PCDHGB5: variants seen among roughly 807,000 people sequenced by gnomAD.
PCDHGB5 encodes the protein protocadherin gamma-B5.
PCDHGB5 carries 48 observed loss-of-function variants against 62.9 expected under a neutral mutation model. The observed-to-expected ratio is 0.76, with a 90% CI of 0.61 to 0.97. The LOEUF (loss-of-function observed/expected upper bound fraction) is 0.97, where lower values mean the gene tolerates loss of function less well. Among genes scored for constraint, PCDHGB5 ranks in the 50% least tolerant of loss-of-function variants. PCDHGB5 has a pLI of 0.00. For missense variants in PCDHGB5, 1,118 were observed against 1,198.6 expected, an observed-to-expected ratio of 0.93 and a Z score of 0.99; for synonymous variants, 474 against 511.2, an observed-to-expected ratio of 0.93 and a Z score of 0.98.
chr5:141,410,455 T>G (rs2095396076), intron 1 of PCDHGB5: 3 of 1,613,914 alleles, frequency 1.9e-6, no homozygotes, highest in African/African-American at 2.7e-5. Flanking sequence ...TGCCTTATTC[T>G]TATAATCTGT....
rs1183407162 is a variant in PCDHGB5 at position 141,422,793 on chromosome 5, C to G, written c.2397+22269C>G. 3 of 1,614,110 alleles carry G rather than the reference C, an allele frequency of 1.9e-6. No individual in the cohort carries two copies. The South Asian group carries it at 3.3e-5, about 18-fold the overall frequency. On this transcript the variant is annotated intron_variant, in intron 1 of 3. Transcript: ENST00000617380. Reference sequence around the variant, plus strand: ...TTCTCTATGCCCTACAATCCTTCGACTATGAGCAGTTTCGAGACTTAGAAC... The same window carrying G: ...TTCTCTATGCCCTACAATCCTTCGAGTATGAGCAGTTTCGAGACTTAGAAC...
chr5:141,400,803 A>G, intron 1 of PCDHGB5: 1 of 556,958 alleles, frequency 1.8e-6, no homozygotes, highest in South Asian at 2.5e-5. Context: ...CTCAAAGCTA[A>G]TGAATTTTAC....
intron 1 of PCDHGB5, 134 bp from the exon 2 acceptor site, chr5:141,494,673 C>G: frequency 4.5e-6 from 7 of 1,542,992 alleles, no homozygotes; most frequent in Non-Finnish European, 6.1e-6. Flanking sequence ...GATGAGTCCA[C>G]CCCTGCCCCC....
intron 1 of PCDHGB5, among the ~76,000 whole-genome samples, chr5:141,461,001 A>G (rs1309762345): frequency 4.0e-5 from 6 of 150,320 alleles, no homozygotes; most frequent in South Asian, 4.2e-4. Context: ...ATATATGTGT[A>G]TATATATATA....
At chr5:141,405,145 G>A (rs772542898) in intron 1 of PCDHGB5, 4 of 1,613,952 alleles carry the variant, frequency 2.5e-6, no homozygotes, top group African/African-American at 2.7e-5. Context: ...CCAGTGATGG[G>A]TTGGCTGGTG....
chr5:141,473,238 G>A (rs1265577738), intron 1 of PCDHGB5, among the ~76,000 whole-genome samples: 4 of 152,200 alleles, frequency 2.6e-5, no homozygotes, highest in Admixed American at 6.5e-5. Context: ...ATCCACACAA[G>A]TGAATACATA....
chr5:141,504,583 A>G (rs1230825472), intron 2 of PCDHGB5, among the ~76,000 whole-genome samples: 1 of 146,622 alleles, frequency 6.8e-6, no homozygotes, highest in African/African-American at 2.5e-5. Flanking sequence ...CCATCTGCCC[A>G]GGATTCACAG....
rs73280911 is a variant in PCDHGB5, at chr5:141,446,356, A to C, written c.2397+45832A>C. Among the ~76,000 whole-genome samples the C allele has an allele frequency of 2.0e-5, 3 of 152,188 alleles. No individual in the cohort carries two copies. In the South Asian group the frequency reaches 6.2e-4, roughly 31 times the overall value. On this transcript the variant is annotated intron_variant, in intron 1 of 3. Transcript: ENST00000617380. ...ACTGGATGGACAAAGCTACCATTTGATGAGAATGGAAGACTAAAGAATGAT... is the reference window on the plus strand; with the variant it reads ...ACTGGATGGACAAAGCTACCATTTGCTGAGAATGGAAGACTAAAGAATGAT...
intron 1 of PCDHGB5, chr5:141,408,109 C>T (rs1011504923): frequency 3.5e-6 from 5 of 1,445,662 alleles, no homozygotes; most frequent in Non-Finnish European, 4.6e-6. Flanking sequence ...AGACCCGGGA[C>T]TCCTCCTGTC....
In PCDHGB5 at chr5:141,485,219, A is replaced by C. The variant is rs954128321; in HGVS notation, c.2398-9588A>C. 20 of 1,613,930 alleles carry C rather than the reference A, an allele frequency of 1.2e-5. No individual in the cohort carries two copies. The highest frequency in any genetic ancestry group is 1.6e-5 in the Non-Finnish European group (19 of 1,179,944). On this transcript the variant is annotated intron_variant, in intron 1 of 3. Coordinates refer to ENST00000617380, the MANE Select transcript of PCDHGB5 (RefSeq NM_018925.3). The surrounding 1 kb of genome is among the most constrained non-coding windows in gnomAD (Gnocchi z 5.7). The stretch of plus-strand genomic sequence containing the variant: ...CTGGACAGAAATCTGGCGGTGGGCT[A>C]CCCTTTTGTTCCTCTTTTACCACCT...
chr5:141,476,142 G>T lies in PCDHGB5; in HGVS notation c.2398-18665G>T. 6.2e-7 allele frequency: 1 copy of T among 1,610,446 alleles called. No individual in the cohort carries two copies. Among genetic ancestry groups the T allele is most frequent in the South Asian group, 1.1e-5 (1 of 90,868 alleles). On this transcript the variant is annotated intron_variant, in intron 1 of 3. Coordinates refer to ENST00000617380, the MANE Select transcript of PCDHGB5 (RefSeq NM_018925.3). The surrounding 1 kb of genome is among the most constrained non-coding windows in gnomAD (Gnocchi z 7.6). Reference sequence around the variant, plus strand: ...ATGGTCCCAGAGGCCTGGAGGAGCGGACTGGTAAGCACCGGGAGGGTAGTG... The same window carrying T: ...ATGGTCCCAGAGGCCTGGAGGAGCGTACTGGTAAGCACCGGGAGGGTAGTG...
rs1562063782 is a variant in PCDHGB5, at chr5:141,477,676, A to G, written c.2398-17131A>G. ...TAAATCGTGACAATGGCATAGTGTC[A>G]TCCTTAGTGCCCCTAGACTATGAGG... On this transcript the variant is annotated intron_variant, in intron 1 of 3. Coordinates refer to ENST00000617380, the MANE Select transcript of PCDHGB5 (RefSeq NM_018925.3). This position sits in a 1 kb window ranked among gnomAD's most constrained non-coding sequence, Gnocchi z 4.9. The G allele has an allele frequency of 1.2e-6, 2 of 1,614,194 alleles. No homozygotes were observed. The highest frequency in any genetic ancestry group is 1.7e-6 in the Non-Finnish European group (2 of 1,180,046).
chr5:141,409,823 A>G, intron 1 of PCDHGB5: 2 of 1,610,784 alleles, frequency 1.2e-6, no homozygotes, highest in Non-Finnish European at 1.7e-6. Flanking sequence ...CGGCTCGCCC[A>G]CGCTCAGCGC....
chr5:141,476,978 C>A lies in PCDHGB5; in HGVS notation c.2398-17829C>A, dbSNP rs1468851988. The A allele has an allele frequency of 2.5e-6, 4 of 1,614,138 alleles. No individual in the cohort carries two copies. Among genetic ancestry groups the A allele is most frequent in the Admixed American group, 3.3e-5 (2 of 60,012 alleles). On this transcript the variant is annotated intron_variant, in intron 1 of 3. Transcript: ENST00000617380. This position sits in a 1 kb window ranked among gnomAD's most constrained non-coding sequence, Gnocchi z 7.6. ...TATTTACTCCTTCGGCAGCCACAAC[C>A]GCGCCGGCGTGCGGCAACTATTCGC...
chr5:141,476,666 G>T lies in PCDHGB5; in HGVS notation c.2398-18141G>T. 9 of 1,614,246 alleles carry T rather than the reference G, an allele frequency of 5.6e-6. No homozygotes were observed. Among genetic ancestry groups the T allele is most frequent in the Non-Finnish European group, 7.6e-6 (9 of 1,180,044 alleles). ...CCGAAATGAATACTTTGCGCTTCGC[G>T]TGCAGACGCGGGAGGACAGCACCAA... On this transcript the variant is annotated intron_variant, in intron 1 of 3. Transcript: ENST00000617380. This position sits in a 1 kb window ranked among gnomAD's most constrained non-coding sequence, Gnocchi z 7.6.
rs1467738404 is a variant in PCDHGB5 at position 141,430,698 on chromosome 5, G to A, written c.2397+30174G>A. On this transcript the variant is annotated intron_variant, in intron 1 of 3. Coordinates refer to ENST00000617380, the MANE Select transcript of PCDHGB5 (RefSeq NM_018925.3). The stretch of plus-strand genomic sequence containing the variant: ...CAACTGTCCCATTCTATGGGCGAAG[G>A]AACTGCTCCTGACTTCAGTGGTTAA... 4.1e-6 allele frequency: 6 copies of A among 1,451,686 alleles called. No homozygotes were observed. The South Asian group carries it at 7.8e-5, about 19-fold the overall frequency. The allele number at this position is 1,451,686 out of a possible 1,614,324, so 89.9% of individuals were successfully genotyped here.
At chr5:141,426,521 C>T (rs184198267) in intron 1 of PCDHGB5, 14 of 341,908 alleles carry the variant, frequency 4.1e-5, no homozygotes, top group Admixed American at 7.6e-5. Flanking sequence ...ACCGTGAACA[C>T]GGAGAATGGG....
intron 3 of PCDHGB5, 89 bp from the exon 4 acceptor site, chr5:141,510,858 T>C (rs992991460): frequency 5.8e-5 from 93 of 1,606,182 alleles, no homozygotes; most frequent in South Asian, 1.0e-4. Flanking sequence ...GGGTGCTGTA[T>C]AGGCATTCAT....
chr5:141,426,772 C>T, intron 1 of PCDHGB5: 1 of 456,686 alleles, frequency 2.2e-6, no homozygotes, highest in South Asian at 1.5e-5. Context: ...GATGTAGGGC[C>T]TCACTCTCTC....
Sources: gnomAD v4.1 joint callset for allele counts (sites outside exome capture counted in the v4.1 genomes callset) on GRCh38, gnomAD v4.1.1 for gene constraint, Gnocchi (gnomAD v3.1) non-coding constraint, MANE v1.5 for transcripts, NCBI Gene and HGNC (gene_info 2026-07-23, HGNC 2026-07-21) for gene names.